Variants in GRK5 observed in about 807,000 individuals in gnomAD.
The protein encoded by GRK5 is g protein-coupled receptor kinase GRK5.
Under a neutral mutation model 78.4 loss-of-function variants are expected in GRK5, and 40 were observed. The observed-to-expected ratio is 0.51, with a 90% CI of 0.40 to 0.66. The LOEUF (loss-of-function observed/expected upper bound fraction) is 0.66. GRK5 is among the 30% of genes least tolerant of loss of function. The probability of loss-of-function intolerance (pLI) is 0.00; values close to 1 mark genes in which losing one functional copy is unlikely to be tolerated. For missense variants in GRK5, 598 were observed against 759.9 expected, an observed-to-expected ratio of 0.79 and a Z score of 2.50; for synonymous variants, 289 against 296.8, an observed-to-expected ratio of 0.97 and a Z score of 0.27.
At chr10:119,210,156 T>G (rs1848463625) in intron 1 of GRK5, among the ~76,000 whole-genome samples, 1 of 152,208 alleles carries the variant, frequency 6.6e-6, no homozygotes, top group East Asian at 1.9e-4. Flanking sequence ...TTTTTTTCCT[T>G]TTAAAGGCTT....
rs780068014 is a variant in GRK5, at chr10:119,431,560, G to A, written c.738+33G>A. On this transcript the variant is annotated intron_variant, in intron 8 of 15. Transcript: ENST00000392870. The surrounding 1 kb of genome is among the most constrained non-coding windows in gnomAD (Gnocchi z 4.8). Reference sequence around the variant, plus strand: ...AGCATCTGGGCCCAGTGACCGGCTCGCCCTTCTGTGGACTGGGGCTTCCCT... The same window carrying A: ...AGCATCTGGGCCCAGTGACCGGCTCACCCTTCTGTGGACTGGGGCTTCCCT... 24 of 1,602,350 alleles carry A rather than the reference G, an allele frequency of 1.5e-5. No individual in the cohort carries two copies. The highest frequency in any genetic ancestry group is 1.7e-4 in the Middle Eastern group (1 of 5,734).
chr10:119,412,144 C>T lies in GRK5; in HGVS notation c.340-11022C>T, dbSNP rs1162546003. Among the ~76,000 whole-genome samples the T allele has an allele frequency of 6.6e-6, 1 of 152,172 alleles. No homozygotes were observed. Among genetic ancestry groups the T allele is most frequent in the African/African-American group, 2.4e-5 (1 of 41,438 alleles). On this transcript the variant is annotated intron_variant, in intron 4 of 15. Transcript: ENST00000392870. The surrounding 1 kb of genome is among the most constrained non-coding windows in gnomAD (Gnocchi z 4.3). ...GGGATTCCAGGCGTGAGCCACTGCGCCCGGCCTCAGATCCGCTTCTGATTG... is the reference window on the plus strand; with the variant it reads ...GGGATTCCAGGCGTGAGCCACTGCGTCCGGCCTCAGATCCGCTTCTGATTG...
At chr10:119,454,910 A>T in intron 15 of GRK5, 59 bp from the exon 16 acceptor site, 1 of 1,138,176 alleles carries the variant, frequency 8.8e-7, no homozygotes, top group Non-Finnish European at 1.3e-6. Flanking sequence ...ACCCATCCCC[A>T]GGGCTCCCAG....
rs1853424946 is a variant in GRK5 at position 119,457,999 on chromosome 10, G to A, written c.*2932G>A. On this transcript the variant is annotated 3_prime_UTR_variant, in exon 16 of 16. Coordinates refer to ENST00000392870, the MANE Select transcript of GRK5 (RefSeq NM_005308.3). ...GTGAGCCACTGTCCCTGGCCTATACGGTCATTTTTTAAAAGATATTTTAAA... is the reference window on the plus strand; with the variant it reads ...GTGAGCCACTGTCCCTGGCCTATACAGTCATTTTTTAAAAGATATTTTAAA... 1 of 152,016 alleles carries A rather than the reference G, an allele frequency of 6.6e-6. No individual in the cohort carries two copies. Among genetic ancestry groups the A allele is most frequent in the African/African-American group, 2.4e-5 (1 of 41,364 alleles). The allele number at this position is 152,016 out of a possible 1,614,324, so 9.4% of individuals were successfully genotyped here. A position where few individuals can be genotyped will look rare whatever the true frequency, so the allele number is the denominator to read the frequency against.
intron 6 of GRK5, among the ~76,000 whole-genome samples, chr10:119,428,740 A>G (rs1852752524): frequency 6.6e-6 from 1 of 152,242 alleles, no homozygotes; most frequent in Non-Finnish European, 1.5e-5. Context: ...CAAAGAAGGC[A>G]TTAAGTTTTT....
intron 1 of GRK5, among the ~76,000 whole-genome samples, chr10:119,315,919 A>G (rs1157714692): frequency 1.3e-5 from 2 of 152,164 alleles, no homozygotes; most frequent in Non-Finnish European, 2.9e-5. Flanking sequence ...GCTTCATGAC[A>G]TAGTTTGGGT....
chr10:119,233,290 A>G (rs1462277670), intron 1 of GRK5, among the ~76,000 whole-genome samples: 1 of 152,152 alleles, frequency 6.6e-6, no homozygotes, highest in Non-Finnish European at 1.5e-5. Context: ...ATGATGTCTC[A>G]TTGGTTCCAT....
intron 1 of GRK5, among the ~76,000 whole-genome samples, chr10:119,272,431 C>T (rs1849597178): frequency 6.6e-6 from 1 of 152,002 alleles, no homozygotes; most frequent in African/African-American, 2.4e-5. Flanking sequence ...CAAAAATTAG[C>T]CAGGCATGAT....
At chr10:119,331,401 C>T (rs1048798271) in intron 2 of GRK5, among the ~76,000 whole-genome samples, 8 of 152,330 alleles carry the variant, frequency 5.3e-5, no homozygotes, top group African/African-American at 9.6e-5. Flanking sequence ...GTTTACAGTC[C>T]GTCGCTGAGG....
chr10:119,343,243 G>T (rs1851014129), intron 2 of GRK5, among the ~76,000 whole-genome samples: 1 of 152,170 alleles, frequency 6.6e-6, no homozygotes, highest in African/African-American at 2.4e-5. Flanking sequence ...TGTGTGGCAG[G>T]GAAGGTGCCA....
At chr10:119,402,239 C>T (rs1031085043) in intron 4 of GRK5, among the ~76,000 whole-genome samples, 7 of 152,286 alleles carry the variant, frequency 4.6e-5, no homozygotes, top group South Asian at 2.1e-4. Context: ...AAAAACATCA[C>T]GTGGCAGGCT....
At chr10:119,348,545 T>G (rs1328009706) in intron 2 of GRK5, among the ~76,000 whole-genome samples, 1 of 152,184 alleles carries the variant, frequency 6.6e-6, no homozygotes, top group Non-Finnish European at 1.5e-5. Context: ...GAGAACAGAA[T>G]GGGTTCTGGT....
chr10:119,436,744 A>G lies in GRK5; in HGVS notation c.832A>G (p.Met278Val). The change falls in exon 9 of 16, where the codon ATG becomes GTG. Residue 278 changes from methionine to valine, a missense_variant. Coordinates refer to ENST00000392870, the MANE Select transcript of GRK5 (RefSeq NM_005308.3). ...TGACCTGAAGTTCCACATCTACAAC[A>G]TGGGCAACCCTGGCTTCGAGGAGGA... The part of the protein sequence containing the change: ...GGDLKFHIYN[M>V]GNPGFEEERA... The G allele has an allele frequency of 6.2e-7, 1 of 1,614,158 alleles. No homozygotes were observed.
chr10:119,346,740 C>T (rs935810813), intron 2 of GRK5, among the ~76,000 whole-genome samples: 19 of 152,244 alleles, frequency 1.2e-4, no homozygotes, highest in South Asian at 8.3e-4. Flanking sequence ...GGACTGGAGT[C>T]CTCCCTGCTC....
In GRK5 at chr10:119,455,538, T is replaced by TAA; in HGVS notation, c.*471_*472insAA. The TAA allele has an allele frequency of 3.9e-6, 1 of 258,326 alleles. No individual in the cohort carries two copies. The highest frequency in any genetic ancestry group is 7.5e-6 in the Non-Finnish European group (1 of 133,972). The allele number at this position is 258,326 out of a possible 1,614,324, so 16.0% of individuals were successfully genotyped here. A position where few individuals can be genotyped will look rare whatever the true frequency, so the allele number is the denominator to read the frequency against. On this transcript the variant is annotated 3_prime_UTR_variant, in exon 16 of 16. Transcript: ENST00000392870. ...AGGCATTTTAGCGGGGAGGGGGTTA[T>TAA]CAAAAAAAAAAAAATGTGACTCAAG...
rs575996344 is a variant in GRK5, at chr10:119,455,534, G to A, written c.*467G>A. On this transcript the variant is annotated 3_prime_UTR_variant, in exon 16 of 16. Transcript: ENST00000392870. ...TCCAAGGCATTTTAGCGGGGAGGGGGTTATCAAAAAAAAAAAAATGTGACT... is the reference window on the plus strand; with the variant it reads ...TCCAAGGCATTTTAGCGGGGAGGGGATTATCAAAAAAAAAAAAATGTGACT... 72 of 272,634 alleles carry A rather than the reference G, an allele frequency of 2.6e-4. No individual in the cohort carries two copies. The highest frequency in any genetic ancestry group is 1.7e-3 in the African/African-American group (70 of 42,272). 16.9% of individuals were successfully genotyped at this position (272,634 alleles called of 1,614,324 possible).
chr10:119,301,917 A>T (rs1278455939), intron 1 of GRK5, among the ~76,000 whole-genome samples: 1 of 152,120 alleles, frequency 6.6e-6, no homozygotes, highest in African/African-American at 2.4e-5. Context: ...ATCTTTTTGG[A>T]GCTCATTCAC....
At chr10:119,247,899 C>T (rs777410048) in intron 1 of GRK5, among the ~76,000 whole-genome samples, 6 of 152,242 alleles carry the variant, frequency 3.9e-5, no homozygotes, top group South Asian at 4.1e-4. Flanking sequence ...AAGTCCCCCC[C>T]ACCCTGCCTG....
intron 4 of GRK5, among the ~76,000 whole-genome samples, chr10:119,399,420 G>T (rs1050218228): frequency 6.6e-6 from 1 of 152,182 alleles, no homozygotes; most frequent in Non-Finnish European, 1.5e-5. Context: ...CCCAGCACTG[G>T]CTCAGAAGAC....
Sources: gnomAD v4.1 joint callset for allele counts (sites outside exome capture counted in the v4.1 genomes callset) on GRCh38, gnomAD v4.1.1 for gene constraint, Gnocchi (gnomAD v3.1) non-coding constraint, MANE v1.5 for transcripts, NCBI Gene and HGNC (gene_info 2026-07-23, HGNC 2026-07-21) for gene names.